Variants in PHF21B observed in about 807,000 individuals in gnomAD.
The protein encoded by PHF21B is PHD finger protein 21B.
Under a neutral mutation model 62.2 loss-of-function variants are expected in PHF21B, and 22 were observed. That is an observed-to-expected ratio of 0.35 (90% confidence interval 0.25 to 0.51). The LOEUF (loss-of-function observed/expected upper bound fraction) is 0.51, where lower values mean the gene tolerates loss of function less well. Among genes scored for constraint, PHF21B ranks in the 20% least tolerant of loss-of-function variants. The pLI is 0.97. For synonymous variants in PHF21B, 341 were observed against 314.7 expected (o/e 1.08, Z -0.88); for missense variants, 701 against 707.9 (o/e 0.99, Z 0.11).
intron 2 of PHF21B, among the ~76,000 whole-genome samples, chr22:44,993,175 T>G (rs983761881): frequency 6.6e-6 from 1 of 152,156 alleles, no homozygotes; most frequent in Non-Finnish European, 1.5e-5. Context: ...CTGGCAGGAC[T>G]CGCTGGCTGG....
intron 10 of PHF21B, among the ~76,000 whole-genome samples, chr22:44,887,419 C>T (rs1231829865): frequency 1.3e-5 from 2 of 152,162 alleles, no homozygotes; most frequent in African/African-American, 4.8e-5. Flanking sequence ...CAGAGAATCA[C>T]ACTTTTTGTA....
Position 44,893,529 on chromosome 22 carries a change from G to A in PHF21B, c.888C>T (p.Ile296=). 6.3e-7 allele frequency: 1 copy of A among 1,599,650 alleles called. No individual in the cohort carries two copies. The highest frequency in any genetic ancestry group is 2.2e-5 in the East Asian group (1 of 44,528). Residue 296 remains isoleucine, a synonymous_variant, in exon 7 of 13, where the codon ATC becomes ATT. Transcript: ENST00000313237. ...GLVTTEHLEE[I]QSKRQERKRR... ...TCTTCCGCTCCTGTCGCTTGCTCTG[G>A]ATTTCTGGAAAGGCACAGACACAGC...
At chr22:44,907,599 A>C (rs912839666) in intron 5 of PHF21B, among the ~76,000 whole-genome samples, 1 of 152,212 alleles carries the variant, frequency 6.6e-6, no homozygotes, top group African/African-American at 2.4e-5. Flanking sequence ...AGCCACACAC[A>C]AAAGGACAGG....
At chr22:44,949,545 G>A (rs908007226) in intron 2 of PHF21B, among the ~76,000 whole-genome samples, 1 of 152,154 alleles carries the variant, frequency 6.6e-6, no homozygotes, top group Non-Finnish European at 1.5e-5. Flanking sequence ...TGAGTTTGTT[G>A]AGCAGGTTGA....
intron 2 of PHF21B, among the ~76,000 whole-genome samples, chr22:44,932,273 G>A (rs112869754): frequency 0.012 from 1,752 of 152,340 alleles, 37 homozygotes; most frequent in South Asian, 0.095. Flanking sequence ...GAGAGGAGAG[G>A]TGCTGCCTCT....
intron 5 of PHF21B, among the ~76,000 whole-genome samples, chr22:44,912,181 T>G (rs1294430045): frequency 1.3e-5 from 2 of 152,268 alleles, no homozygotes; most frequent in Non-Finnish European, 2.9e-5. Flanking sequence ...TAATTTGCTT[T>G]GATTTTACAG....
At chr22:44,921,816 G>C (rs1157065026) in intron 2 of PHF21B, among the ~76,000 whole-genome samples, 1 of 152,008 alleles carries the variant, frequency 6.6e-6, no homozygotes, top group Admixed American at 6.6e-5. Context: ...CCGCCACCAC[G>C]CCTGGGTAAC....
intron 5 of PHF21B, among the ~76,000 whole-genome samples, chr22:44,907,621 G>T (rs749152600): frequency 6.6e-6 from 1 of 152,226 alleles, no homozygotes; most frequent in Non-Finnish European, 1.5e-5. Flanking sequence ...CCTTCAAGGA[G>T]GTTCTGGCCT....
At chr22:44,897,975 A>G (rs971111899) in intron 5 of PHF21B, among the ~76,000 whole-genome samples, 5 of 152,022 alleles carry the variant, frequency 3.3e-5, no homozygotes, top group African/African-American at 9.7e-5. Flanking sequence ...CACCCAGCTA[A>G]TTTTTAAATT....
chr22:44,885,452 C>A lies in PHF21B; in HGVS notation c.1351G>T (p.Asp451Tyr). 6.3e-7 allele frequency: 1 copy of A among 1,590,986 alleles called. No individual in the cohort carries two copies. Among genetic ancestry groups the A allele is most frequent in the Middle Eastern group, 2.0e-4 (1 of 4,998 alleles). Residue 451 changes from aspartate (D) to tyrosine (Y), a missense_variant, in exon 12 of 13, where the codon GAC becomes TAC. Transcript: ENST00000313237. ...QNEHQQLEER[D>Y]RRLASAVQKC... ...TGCACTGCTGACGCCAGCCGCCGGTCCCGCTCCTCCAGCTGCTGGTGCTCG... is the reference window on the plus strand; with the variant it reads ...TGCACTGCTGACGCCAGCCGCCGGTACCGCTCCTCCAGCTGCTGGTGCTCG...
At chr22:44,971,627 C>G (rs2072639888) in intron 2 of PHF21B, among the ~76,000 whole-genome samples, 1 of 152,212 alleles carries the variant, frequency 6.6e-6, no homozygotes, top group South Asian at 2.1e-4. Flanking sequence ...ACAACAGGGC[C>G]TGGCCCTTGG....
chr22:44,919,605 T>G (rs115957920), intron 3 of PHF21B, among the ~76,000 whole-genome samples: 1,809 of 152,322 alleles, frequency 0.012, 35 homozygotes, highest in African/African-American at 0.041. Context: ...TGTCTAGCCC[T>G]GAGGTCCCAC....
intron 2 of PHF21B, among the ~76,000 whole-genome samples, chr22:44,962,905 G>A (rs1169305295): frequency 3.3e-5 from 5 of 152,166 alleles, no homozygotes; most frequent in African/African-American, 7.2e-5. Context: ...ATAGAGCCAC[G>A]CAGTACAGTT....
intron 3 of PHF21B, 132 bp from the exon 4 acceptor site, chr22:44,916,762 C>T (rs1250887466): frequency 6.0e-6 from 5 of 835,124 alleles, no homozygotes; most frequent in Non-Finnish European, 9.5e-6. Flanking sequence ...GCGCCTGTCA[C>T]GGCCTCACAG....
rs1269154595 is a variant in PHF21B, at chr22:45,009,189, C to A, written c.54+307G>T. The A allele has an allele frequency of 9.3e-6, 4 of 430,636 alleles. No homozygotes were observed. Among genetic ancestry groups the A allele is most frequent in the Non-Finnish European group, 1.5e-5 (4 of 263,696 alleles). 26.7% of individuals were successfully genotyped at this position (430,636 alleles called of 1,614,324 possible). A position where few individuals can be genotyped will look rare whatever the true frequency, so the allele number is the denominator to read the frequency against. On this transcript the variant is annotated intron_variant, in intron 1 of 12. Transcript: ENST00000313237. This position sits in a 1 kb window ranked among gnomAD's most constrained non-coding sequence, Gnocchi z 5.9. ...TTCGCACTCCCCTCCCCGGGACCGG[C>A]TCACGAAGGGGCCCCCTCCAGGCAC...
At chr22:44,928,751 AGGC>A (rs1004876140) in intron 2 of PHF21B, among the ~76,000 whole-genome samples, 1 of 152,202 alleles carries the variant, frequency 6.6e-6, no homozygotes, top group African/African-American at 2.4e-5. Context: ...TGTCTACAGA[AGGC>A]GCTGGGTTTC....
intron 2 of PHF21B, among the ~76,000 whole-genome samples, chr22:44,981,161 T>A (rs1442294329): frequency 6.6e-6 from 1 of 151,926 alleles, no homozygotes; most frequent in East Asian, 1.9e-4. Context: ...AAGCTTCCCA[T>A]CAGGTTGGAG....
At position 44,913,770 on chromosome 22, in the gene PHF21B, T is replaced by A. The variant is rs975815699; in HGVS notation, c.831+52A>T. 3.8e-6 allele frequency: 6 copies of A among 1,561,692 alleles called. No homozygotes were observed. The African/African-American group carries it at 8.2e-5, about 21-fold the overall frequency. On this transcript the variant is annotated intron_variant, in intron 5 of 12. Coordinates refer to ENST00000313237, the MANE Select transcript of PHF21B (RefSeq NM_138415.5). ...CCCCGCTATACACAGCGGCCTCAGATGGCACCTGCAGACTGAGCAGGGCCT... is the reference window on the plus strand; with the variant it reads ...CCCCGCTATACACAGCGGCCTCAGAAGGCACCTGCAGACTGAGCAGGGCCT...
At chr22:44,883,661 GCT>G (rs1238407186) in intron 12 of PHF21B, among the ~76,000 whole-genome samples, 1 of 152,090 alleles carries the variant, frequency 6.6e-6, no homozygotes, top group African/African-American at 2.4e-5. Context: ...TCGCCTTTCT[GCT>G]CTTTCTCTCG....
Sources: allele counts gnomAD v4.1 joint callset (sites outside exome capture counted in the v4.1 genomes callset), GRCh38; gene constraint gnomAD v4.1.1; non-coding constraint Gnocchi (gnomAD v3.1); transcripts MANE v1.5; gene names NCBI Gene and HGNC (gene_info 2026-07-23, HGNC 2026-07-21).